Variants in DISC1 observed in about 807,000 individuals in gnomAD.
DISC1 encodes DISC1 scaffold protein.
Under a neutral mutation model 84.5 loss-of-function variants are expected in DISC1, and 57 were observed. The ratio of observed to expected loss-of-function variants is 0.67; its 90% confidence interval spans 0.55 to 0.84. DISC1 has a LOEUF of 0.84. Ranked by LOEUF, DISC1 falls within the 40% of genes least tolerant of loss-of-function variation. The probability of loss-of-function intolerance (pLI) is 0.00; values close to 1 mark genes in which losing one functional copy is unlikely to be tolerated. For synonymous variants in DISC1, 411 were observed against 415.2 expected (o/e 0.99, Z 0.12); for missense variants, 1,000 against 1,057.8 (o/e 0.95, Z 0.76).
chr1:231,770,765 T>G, intron 5 of DISC1, 70 bp from the exon 6 acceptor site: 3 of 1,565,730 alleles, frequency 1.9e-6, no homozygotes, highest in Non-Finnish European at 2.6e-6. Flanking sequence ...TTTAAACGAG[T>G]CATTATCCTC....
intron 9 of DISC1, among the ~76,000 whole-genome samples, chr1:231,823,945 C>T (rs1442599239): frequency 2.0e-5 from 3 of 151,876 alleles, no homozygotes; most frequent in Non-Finnish European, 2.9e-5. Context: ...TCTAAGAGTC[C>T]TCAAATTTTA....
chr1:231,809,513 C>CT (rs1198274417), intron 8 of DISC1, among the ~76,000 whole-genome samples: 2,830 of 107,380 alleles, frequency 0.026, 81 homozygotes, highest in African/African-American at 0.087. Flanking sequence ...CTCCAAAAGC[C>CT]TTTTTTTTTT....
intron 10 of DISC1, among the ~76,000 whole-genome samples, chr1:232,006,323 T>C (rs1312650261): frequency 2.0e-5 from 3 of 152,200 alleles, no homozygotes; most frequent in African/African-American, 7.2e-5. Flanking sequence ...CCTAGAGACT[T>C]GTTGAATGGC....
intron 2 of DISC1, among the ~76,000 whole-genome samples, chr1:231,695,093 C>CA (rs2065475478): frequency 6.6e-6 from 1 of 152,224 alleles, no homozygotes; most frequent in African/African-American, 2.4e-5. Context: ...GTGGTTCATG[C>CA]AGCCCAGCTC....
Position 232,008,927 on chromosome 1 carries a change from G to C in DISC1, c.2185G>C (p.Ala729Pro). Residue 729 changes from alanine (A) to proline (P), a missense_variant, in exon 11 of 13, where the codon GCT becomes CCT. Ala to Pro is a conservative substitution (Grantham distance 27). Coordinates refer to ENST00000439617, the MANE Select transcript of DISC1 (RefSeq NM_018662.3). The stretch of plus-strand genomic sequence containing the variant: ...GCAGATGGATGACTTAGAGGGAGCT[G>C]CTCCTCCTATTCCCCCCAGGCTCCA... ...ERQMDDLEGA[A>P]PPIPPRLHSE... is the part of the protein sequence containing the mutation. 6.2e-7 allele frequency: 1 copy of C among 1,613,682 alleles called. No homozygotes were observed. Among genetic ancestry groups the C allele is most frequent in the Non-Finnish European group, 8.5e-7 (1 of 1,179,778 alleles).
At chr1:231,825,416 G>A (rs1194088270) in intron 9 of DISC1, among the ~76,000 whole-genome samples, 14 of 152,114 alleles carry the variant, frequency 9.2e-5, no homozygotes, top group East Asian at 3.9e-4. Flanking sequence ...TAATCAGTGC[G>A]TATTAGAGTC....
At chr1:231,760,322 T>C (rs920993202) in intron 4 of DISC1, among the ~76,000 whole-genome samples, 2 of 152,188 alleles carry the variant, frequency 1.3e-5, no homozygotes, top group African/African-American at 4.8e-5. Context: ...GTGCACTTCA[T>C]TGGTTCTATG....
rs151303418 is a variant in DISC1, at chr1:231,714,729, GGAGA to G, written c.1117+12722_1117+12725del. On this transcript the variant is annotated intron_variant, in intron 3 of 12. Coordinates refer to ENST00000439617, the MANE Select transcript of DISC1 (RefSeq NM_018662.3). ...GATTGAGAGAGAGAGAAAGATATAG[GGAGA>G]GAGAGAGAGAGAGAGACAGAAGGAG... Among the ~76,000 whole-genome samples the G allele has an allele frequency of 2.4e-3, 355 of 148,472 alleles. 1 individual carries two copies. The highest frequency in any genetic ancestry group is 5.2e-3 in the South Asian group (24 of 4,660).
intron 12 of DISC1, among the ~76,000 whole-genome samples, chr1:232,027,719 T>G (rs1669609859): frequency 1.3e-5 from 2 of 152,280 alleles, no homozygotes; most frequent in South Asian, 4.1e-4. Flanking sequence ...TTGTGGCAAA[T>G]TTAGCTATTT....
At chr1:231,730,158 G>C (rs201376511) in intron 3 of DISC1, among the ~76,000 whole-genome samples, 46 of 152,292 alleles carry the variant, frequency 3.0e-4, no homozygotes, top group Admixed American at 4.6e-4. Flanking sequence ...TCACAGGAAT[G>C]AATTAAATGC....
At chr1:231,899,252 G>A (rs1324680764) in intron 9 of DISC1, among the ~76,000 whole-genome samples, 1 of 152,140 alleles carries the variant, frequency 6.6e-6, no homozygotes, top group Non-Finnish European at 1.5e-5. Context: ...GTCACCTGGT[G>A]GGCTTGTTGG....
In DISC1 at chr1:231,784,106, T is replaced by C. The variant is rs185808194; in HGVS notation, c.1635-11136T>C. Among the ~76,000 whole-genome samples the C allele has an allele frequency of 1.1e-3, 165 of 151,998 alleles. 2 individuals are homozygous for C. Among genetic ancestry groups the C allele is most frequent in the Non-Finnish European group, 1.7e-3 (117 of 67,988 alleles). On this transcript the variant is annotated intron_variant, in intron 6 of 12. Coordinates refer to ENST00000439617, the MANE Select transcript of DISC1 (RefSeq NM_018662.3). The stretch of plus-strand genomic sequence containing the variant: ...GGTGAAACCCTGTCTCTACTAAAAA[T>C]GCAAAAATTATCCGGGCATGGTGGT...
rs369654888 is a variant in DISC1, at chr1:231,773,623, A to G, written c.1634+2553A>G. Among the ~76,000 whole-genome samples, 22 of 152,260 alleles carry G rather than the reference A, an allele frequency of 1.4e-4. No homozygotes were observed. The Middle Eastern group carries it at 0.01, about 71-fold the overall frequency. On this transcript the variant is annotated intron_variant, in intron 6 of 12. Coordinates refer to ENST00000439617, the MANE Select transcript of DISC1 (RefSeq NM_018662.3). ...ATGGTCTTAATTTCCTGACCTCATGATCTGCCCTCCTTGGCCTCCCAAAGT... is the reference window on the plus strand; with the variant it reads ...ATGGTCTTAATTTCCTGACCTCATGGTCTGCCCTCCTTGGCCTCCCAAAGT...
At chr1:231,753,806 A>T (rs539431005) in intron 4 of DISC1, among the ~76,000 whole-genome samples, 145 of 152,318 alleles carry the variant, frequency 9.5e-4, no homozygotes, top group East Asian at 7.7e-4. Context: ...ATAGGTTGTT[A>T]GAAGCAGCCA....
intron 10 of DISC1, among the ~76,000 whole-genome samples, chr1:232,004,989 TTCTC>T (rs200624444): frequency 1.6e-5 from 1 of 62,236 alleles, no homozygotes; most frequent in African/African-American, 1.4e-4. Context: ...TCCATCCTTC[TTCTC>T]TTCTTTCCTT....
chr1:232,013,611 G>A (rs2103011002), intron 11 of DISC1, among the ~76,000 whole-genome samples: 2 of 152,292 alleles, frequency 1.3e-5, no homozygotes, highest in Middle Eastern at 3.4e-3. Flanking sequence ...CTATTTTTAT[G>A]CTCAGATTTA....
At chr1:231,905,417 G>A (rs1022582352) in intron 9 of DISC1, among the ~76,000 whole-genome samples, 3 of 152,172 alleles carry the variant, frequency 2.0e-5, no homozygotes, top group East Asian at 3.9e-4. Context: ...CTGAGAGTTC[G>A]AAACCAGCCT....
chr1:231,676,611 G>A (rs546277616), intron 1 of DISC1, among the ~76,000 whole-genome samples: 3 of 152,250 alleles, frequency 2.0e-5, no homozygotes, highest in Admixed American at 6.5e-5. Context: ...TCTTTCTAGT[G>A]TGTTGACATG....
At chr1:231,987,603 T>C (rs536409199) in intron 10 of DISC1, among the ~76,000 whole-genome samples, 45 of 152,344 alleles carry the variant, frequency 3.0e-4, no homozygotes, top group African/African-American at 1.1e-3. Context: ...ATTTCTTTGC[T>C]GGATTTCCTT....
Sources: gnomAD v4.1 joint callset for allele counts (sites outside exome capture counted in the v4.1 genomes callset) on GRCh38, gnomAD v4.1.1 for gene constraint, MANE v1.5 for transcripts, NCBI Gene and HGNC (gene_info 2026-07-23, HGNC 2026-07-21) for gene names.